Variants in MAGI2 observed in about 807,000 individuals in gnomAD.
The protein encoded by MAGI2 is membrane-associated guanylate kinase, WW and PDZ domain-containing protein 2.
In MAGI2, 35 loss-of-function variants were observed where a neutral mutation model predicts 133.3. The ratio of observed to expected loss-of-function variants is 0.26; its 90% CI spans 0.20 to 0.35. The LOEUF (loss-of-function observed/expected upper bound fraction) is 0.35, where lower values mean the gene tolerates loss of function less well. Ranked by LOEUF, MAGI2 falls within the 10% of genes least tolerant of loss-of-function variation. The pLI is 1.00. For synonymous variants in MAGI2, 729 were observed against 710.6 expected, an observed-to-expected ratio of 1.03 and a Z score of -0.41; for missense variants, 1,636 against 1,863.4, an observed-to-expected ratio of 0.88 and a Z score of 2.25.
chr7:78,751,186 G>A (rs1999236), intron 2 of MAGI2, among the ~76,000 whole-genome samples: 2,388 of 152,204 alleles, frequency 0.016, 76 homozygotes, highest in African/African-American at 0.055. Flanking sequence ...TAATGATTAC[G>A]TCAACTTTAA....
intron 2 of MAGI2, among the ~76,000 whole-genome samples, chr7:78,805,083 T>TA (rs924668764): frequency 1.8e-4 from 27 of 150,056 alleles, no homozygotes; most frequent in South Asian, 4.2e-4. Context: ...AATAAAAAAA[T>TA]AAAAAAAAAT....
At chr7:79,405,582 T>C (rs1845751182) in intron 1 of MAGI2, among the ~76,000 whole-genome samples, 1 of 152,122 alleles carries the variant, frequency 6.6e-6, no homozygotes. Context: ...TTTTCCTCCA[T>C]GCCCCAAGAG....
In MAGI2 at chr7:78,678,400, C is replaced by G. The variant is rs555866842; in HGVS notation, c.419-51161G>C. On this transcript the variant is annotated intron_variant, in intron 2 of 21. Coordinates refer to ENST00000354212, the MANE Select transcript of MAGI2 (RefSeq NM_012301.4). The stretch of plus-strand genomic sequence containing the variant: ...CTCAAAGTCATCTTCCCCTTTATCC[C>G]CAGAGTTTTTATTACATGTATAACT... Among the ~76,000 whole-genome samples, 25 of 152,184 alleles carry G rather than the reference C, an allele frequency of 1.6e-4. 1 individual carries two copies. Among genetic ancestry groups the G allele is most frequent in the Middle Eastern group, 6.8e-3 (2 of 294 alleles).
chr7:78,072,947 C>A, intron 21 of MAGI2: 1 of 398,634 alleles, frequency 2.5e-6, no homozygotes, highest in East Asian at 3.6e-5. Context: ...TGTGAGCCAC[C>A]CCGCCTGGCT....
chr7:78,489,972 T>C (rs1793450123), intron 5 of MAGI2, 132 bp from the exon 6 acceptor site: 3 of 653,458 alleles, frequency 4.6e-6, no homozygotes, highest in South Asian at 4.1e-5. Flanking sequence ...TGGTTCTAAG[T>C]AGCCCTGAAG....
intron 3 of MAGI2, among the ~76,000 whole-genome samples, chr7:78,555,154 A>G (rs995957884): frequency 9.3e-6 from 1 of 107,436 alleles, no homozygotes; most frequent in Non-Finnish European, 2.3e-5. Flanking sequence ...ATAAATAAAT[A>G]AATAAATAAA....
At chr7:78,678,986 A>G (rs186776424) in intron 2 of MAGI2, among the ~76,000 whole-genome samples, 48 of 152,320 alleles carry the variant, frequency 3.2e-4, no homozygotes, top group Non-Finnish European at 1.3e-4. Context: ...ACCCAATGAT[A>G]TAACTGATAA....
At chr7:78,776,286 T>C (rs191783712) in intron 2 of MAGI2, among the ~76,000 whole-genome samples, 8 of 152,356 alleles carry the variant, frequency 5.3e-5, no homozygotes, top group Admixed American at 2.6e-4. Context: ...TCAGGTAGTT[T>C]ATGTAGCTTT....
chr7:78,175,927 A>C (rs1206449046), intron 14 of MAGI2, among the ~76,000 whole-genome samples: 5 of 152,226 alleles, frequency 3.3e-5, no homozygotes, highest in Admixed American at 3.3e-4. Flanking sequence ...CTGTATAAAT[A>C]TCCTGCGGAG....
At chr7:79,333,124 T>A (rs1840205405) in intron 1 of MAGI2, among the ~76,000 whole-genome samples, 1 of 152,096 alleles carries the variant, frequency 6.6e-6, no homozygotes, top group African/African-American at 2.4e-5. Flanking sequence ...TCATCAGATC[T>A]TTTTTCAGTA....
At chr7:79,267,134 A>T (rs529045706) in intron 1 of MAGI2, among the ~76,000 whole-genome samples, 21 of 152,150 alleles carry the variant, frequency 1.4e-4, no homozygotes, top group African/African-American at 5.1e-4. Flanking sequence ...CCCGAAATGT[A>T]CCCCTGCCTT....
intron 20 of MAGI2, among the ~76,000 whole-genome samples, chr7:78,085,143 C>T (rs1310717162): frequency 6.6e-6 from 1 of 152,138 alleles, no homozygotes; most frequent in African/African-American, 2.4e-5. Context: ...TTTGAGAGCA[C>T]CAGAACTGTG....
At chr7:78,267,432 T>G (rs867439856) in intron 9 of MAGI2, among the ~76,000 whole-genome samples, 2 of 152,196 alleles carry the variant, frequency 1.3e-5, no homozygotes, top group African/African-American at 4.8e-5. Flanking sequence ...GAATCTTCAT[T>G]GACAGACTTT....
At chr7:78,181,426 ATCT>A (rs887774919) in intron 13 of MAGI2, among the ~76,000 whole-genome samples, 17 of 152,142 alleles carry the variant, frequency 1.1e-4, no homozygotes, top group Admixed American at 2.0e-4. Context: ...TTTTAAAAAA[ATCT>A]TCTTTTTCCT....
intron 2 of MAGI2, among the ~76,000 whole-genome samples, chr7:78,826,220 G>A (rs1182407971): frequency 6.6e-6 from 1 of 151,850 alleles, no homozygotes; most frequent in Admixed American, 6.6e-5. Context: ...CAGGTGTGGT[G>A]GCAGGCGCCT....
intron 1 of MAGI2, among the ~76,000 whole-genome samples, chr7:79,393,976 T>A (rs768461964): frequency 2.6e-5 from 4 of 152,124 alleles, no homozygotes; most frequent in African/African-American, 4.8e-5. Context: ...TGTTTGTGTG[T>A]CCAGCTTGAA....
intron 14 of MAGI2, chr7:78,170,913 T>TG (rs1324235489): frequency 6.6e-6 from 1 of 152,230 alleles, no homozygotes; most frequent in Non-Finnish European, 1.5e-5. Context: ...TGAATTGAGC[T>TG]GAGCATGGTG....
chr7:78,693,989 G>A (rs1817237840), intron 2 of MAGI2, among the ~76,000 whole-genome samples: 1 of 152,170 alleles, frequency 6.6e-6, no homozygotes, highest in Non-Finnish European at 1.5e-5. Context: ...GAAAGGAAAG[G>A]ATTGGGGACA....
intron 3 of MAGI2, among the ~76,000 whole-genome samples, chr7:78,572,303 C>A (rs1295465205): frequency 6.6e-6 from 1 of 151,900 alleles, no homozygotes; most frequent in East Asian, 1.9e-4. Flanking sequence ...CATGCCAATC[C>A]CAAAGAATAT....
Sources: gnomAD v4.1 joint callset for allele counts (sites outside exome capture counted in the v4.1 genomes callset) on GRCh38, gnomAD v4.1.1 for gene constraint, MANE v1.5 for transcripts, NCBI Gene and HGNC (gene_info 2026-07-23, HGNC 2026-07-21) for gene names.